Variants in DCHS1 observed in about 807,000 individuals in gnomAD.
DCHS1 encodes protocadherin-16.
DCHS1 carries 78 observed loss-of-function variants against 213.9 expected under a neutral mutation model. The ratio of observed to expected loss-of-function variants is 0.36; its 90% confidence interval spans 0.30 to 0.44. The LOEUF is 0.44. DCHS1 is among the 20% of genes least tolerant of loss of function. The pLI is 1.00. For synonymous variants in DCHS1, 1,828 were observed against 1,873.7 expected (o/e 0.98, Z 0.63); for missense variants, 3,946 against 4,395.9 (o/e 0.90, Z 2.89).
At chr11:6,631,495 A>T in intron 7 of DCHS1, 88 bp from the exon 8 acceptor site, 1 of 1,596,058 alleles carries the variant, frequency 6.3e-7, no homozygotes, top group Non-Finnish European at 8.6e-7. Flanking sequence ...GGCAGGCAGA[A>T]CCTCTTTTCG....
At position 6,622,893 on chromosome 11, in the gene DCHS1, C is replaced by T; in HGVS notation, c.8783G>A (p.Gly2928Asp). 6.3e-7 allele frequency: 1 copy of T among 1,597,086 alleles called. No individual in the cohort carries two copies. The change falls in exon 21 of 21, where the codon GGC becomes GAC. Residue 2928 changes from glycine (G) to aspartate (D), a missense_variant. Transcript: ENST00000299441. This position sits in a 1 kb window ranked among gnomAD's most constrained non-coding sequence, Gnocchi z 5.4. ...TAGCAGGTTGAGGTCAGGTGCCAGG[C>T]CCAGTGCGGTGTGGGTGATATCCAC... ...VTVDITHTALGLAPDLNLLLV... is the reference protein window; with the variant it reads ...VTVDITHTALDLAPDLNLLLV...
In DCHS1 at chr11:6,627,664, C is replaced by T. The variant is rs747362482; in HGVS notation, c.5375G>A (p.Gly1792Glu). The T allele has an allele frequency of 2.0e-5, 33 of 1,611,164 alleles. No homozygotes were observed. In the South Asian group the frequency reaches 3.3e-4, roughly 16 times the overall value. The change falls in exon 14 of 21, where the codon GGG becomes GAG. Residue 1792 changes from glycine (G) to glutamate (E), a missense_variant. By Grantham distance (98) the Gly-to-Glu change is moderately conservative. This residue lies in a region of DCHS1 where 3,384 missense variants were observed against 3,780.1 expected (regional missense o/e 0.90). Transcript: ENST00000299441. This position sits in a 1 kb window ranked among gnomAD's most constrained non-coding sequence, Gnocchi z 5.4. ...NGQLQYRILD[G>E]DPSGAFVLDL... ...TAGGACAAAGGCTCCTGATGGGTCCCCATCTGCAGAGAAGGGCATGCACAT... is the reference window on the plus strand; with the variant it reads ...TAGGACAAAGGCTCCTGATGGGTCCTCATCTGCAGAGAAGGGCATGCACAT...
chr11:6,648,127 G>C (rs1371584090), intron 1 of DCHS1, among the ~76,000 whole-genome samples: 2 of 152,202 alleles, frequency 1.3e-5, no homozygotes, highest in African/African-American at 4.8e-5. Flanking sequence ...TTCAAGCACA[G>C]CTGGGTTTGC....
chr11:6,632,937 G>T lies in DCHS1; in HGVS notation c.2575C>A (p.Pro859Thr), dbSNP rs770011517. Residue 859 changes from proline to threonine, a missense_variant, in exon 6 of 21, where the codon CCA (proline) becomes ACA (threonine). By Grantham distance (38) the Pro-to-Thr change is conservative. Around this residue, in one of 3 missense-constraint regions of DCHS1, gnomAD observed 3,384 missense variants for 3,780.1 expected, o/e 0.90. Coordinates refer to ENST00000299441, the MANE Select transcript of DCHS1 (RefSeq NM_003737.4). The surrounding 1 kb of genome is among the most constrained non-coding windows in gnomAD (Gnocchi z 5.9). ...GCTCGCACCTCCAGCTCCAACACTG[G>T]TCCCAGTAGCTCCCGGTCCAGAGGG... ...LRPLDRELLGPVLELEVRAGS... is the reference protein window; with the variant it reads ...LRPLDRELLGTVLELEVRAGS... The T allele has an allele frequency of 6.2e-7, 1 of 1,614,050 alleles. No homozygotes were observed. The highest frequency in any genetic ancestry group is 2.2e-5 in the East Asian group (1 of 44,888).
rs753764736 is a variant in DCHS1 at position 6,626,515 on chromosome 11, G to T, written c.6364+37C>A. 6.2e-7 allele frequency: 1 copy of T among 1,610,292 alleles called. No individual in the cohort carries two copies. Among genetic ancestry groups the T allele is most frequent in the Admixed American group, 1.7e-5 (1 of 59,968 alleles). On this transcript the variant is annotated intron_variant, in intron 15 of 20. Transcript: ENST00000299441. This position sits in a 1 kb window ranked among gnomAD's most constrained non-coding sequence, Gnocchi z 5.2. ...ATGCAAAGAACCTGCTTCCCCAGTA[G>T]CCTGTCCTGCACAGAGCCCCTGCTC...
Position 6,622,260 on chromosome 11 carries a change from C to A in DCHS1, c.9416G>T (p.Gly3139Val), listed in dbSNP as rs187251510. Residue 3139 changes from glycine to valine, a missense_variant, in exon 21 of 21, where the codon GGC becomes GTC. Coordinates refer to ENST00000299441, the MANE Select transcript of DCHS1 (RefSeq NM_003737.4). The surrounding 1 kb of genome is among the most constrained non-coding windows in gnomAD (Gnocchi z 5.4). ...PTGDYGFPAD[G>V]KPCVAGALTA... ...CAGCGCACCTGCCACACATGGCTTG[C>A]CATCTGCTGGGAAGCCATAGTCCCC... is the stretch of plus-strand genomic sequence containing the variant. 1 of 1,603,974 alleles carries A rather than the reference C, an allele frequency of 6.2e-7. No individual in the cohort carries two copies. The highest frequency in any genetic ancestry group is 8.5e-7 in the Non-Finnish European group (1 of 1,176,406).
intron 12 of DCHS1, 47 bp downstream of exon 12, chr11:6,629,405 T>G (rs947244411): frequency 2.5e-6 from 4 of 1,602,550 alleles, no homozygotes; most frequent in South Asian, 1.1e-5. Context: ...GTAACACTGG[T>G]GTTTACAACA....
rs1855794798 is a variant in DCHS1, at chr11:6,626,040, C to T, written c.6611G>A (p.Gly2204Glu). The change falls in exon 17 of 21, where the codon GGA (glycine) becomes GAA (glutamate). Residue 2204 changes from glycine (G) to glutamate (E), a missense_variant. Gly to Glu is a moderately conservative substitution (Grantham distance 98). Transcript: ENST00000299441. The surrounding 1 kb of genome is among the most constrained non-coding windows in gnomAD (Gnocchi z 5.2). ...TGCAGCCAGACTGTAGGAAATCTGT[C>T]CTCCAGAGCCTTGATCCAGGTCATC... ...EADDLDQGSGGQISYSLAASQ... is the reference protein window; with the variant it reads ...EADDLDQGSGEQISYSLAASQ... The T allele has an allele frequency of 6.2e-7, 1 of 1,611,628 alleles. No homozygotes were observed. The highest frequency in any genetic ancestry group is 1.3e-5 in the African/African-American group (1 of 74,870).
intron 1 of DCHS1, among the ~76,000 whole-genome samples, chr11:6,643,533 T>C (rs183293904): frequency 1.8e-3 from 281 of 152,278 alleles, no homozygotes; most frequent in African/African-American, 6.7e-3. Context: ...CCACCTCTTA[T>C]TTCCATCATG....
At chr11:6,638,444 C>G (rs533021708) in intron 2 of DCHS1, among the ~76,000 whole-genome samples, 1 of 152,174 alleles carries the variant, frequency 6.6e-6, no homozygotes, top group Non-Finnish European at 1.5e-5. Flanking sequence ...TTCTCATCTC[C>G]CCCGACTCTT....
At chr11:6,655,069 C>A (rs1856295349) in intron 1 of DCHS1, among the ~76,000 whole-genome samples, 1 of 152,142 alleles carries the variant, frequency 6.6e-6, no homozygotes, top group Admixed American at 6.5e-5. Context: ...GTTTCTTTGT[C>A]TCTGTCTCAG....
intron 1 of DCHS1, among the ~76,000 whole-genome samples, chr11:6,648,032 C>A (rs1856190758): frequency 6.6e-6 from 1 of 152,142 alleles, no homozygotes; most frequent in East Asian, 1.9e-4. Context: ...AGGGTTCTGG[C>A]CAGGTTACTA....
At position 6,630,199 on chromosome 11, in the gene DCHS1, G is replaced by C; in HGVS notation, c.4595C>G (p.Ala1532Gly). ...ASRRRAARVS[A>G]RVFVTDENDN... is the part of the protein sequence containing the mutation. ...ATTCTCATCCGTGACGAAGACGCGC[G>C]CTGAAACGCGCGCTGCACGACGGCG... Residue 1532 changes from alanine (A) to glycine (G), a missense_variant, in exon 10 of 21, where the codon GCG becomes GGG. By Grantham distance (60) the Ala-to-Gly change is moderately conservative (BLOSUM62 0). Coordinates refer to ENST00000299441, the MANE Select transcript of DCHS1 (RefSeq NM_003737.4). 6.3e-7 allele frequency: 1 copy of C among 1,579,830 alleles called. No homozygotes were observed. Among genetic ancestry groups the C allele is most frequent in the Non-Finnish European group, 8.6e-7 (1 of 1,164,226 alleles).
Position 6,629,931 on chromosome 11 carries a change from G to A in DCHS1, c.4796-20C>T, listed in dbSNP as rs1855872886. ...GCGCTCCTAGGTGAGCGGTAAGGCA[G>A]GTTGGTGGGGACCCCAACACTCCAC... On this transcript the variant is annotated intron_variant, in intron 10 of 20. Transcript: ENST00000299441. The A allele has an allele frequency of 6.2e-7, 1 of 1,607,842 alleles. No homozygotes were observed. Among genetic ancestry groups the A allele is most frequent in the African/African-American group, 1.3e-5 (1 of 74,974 alleles).
At chr11:6,637,564 C>T (rs1275934817) in intron 2 of DCHS1, among the ~76,000 whole-genome samples, 1 of 151,968 alleles carries the variant, frequency 6.6e-6, no homozygotes, top group East Asian at 1.9e-4. Flanking sequence ...AGATCCTGAG[C>T]CCCTAGTAGG....
In DCHS1 at chr11:6,633,715, G is replaced by C. The variant is rs1050317494; in HGVS notation, c.2219-67C>G. 93 of 1,601,222 alleles carry C rather than the reference G, an allele frequency of 5.8e-5. 2 individuals carry two copies. The highest frequency in any genetic ancestry group is 4.6e-4 in the South Asian group (42 of 90,678). On this transcript the variant is annotated intron_variant, in intron 4 of 20. Transcript: ENST00000299441. ...ATAGGGCTAGAAAGGTTATGGAGGA[G>C]GTGGGTAGGACATCATTTAGGCAGG...
In DCHS1 at chr11:6,633,617, T is replaced by G; in HGVS notation, c.2250A>C (p.Arg750Ser). 6.3e-7 allele frequency: 1 copy of G among 1,599,822 alleles called. No homozygotes were observed. The highest frequency in any genetic ancestry group is 8.5e-7 in the Non-Finnish European group (1 of 1,173,026). The change falls in exon 5 of 21, where the codon AGA becomes AGC. Residue 750 changes from arginine (R) to serine (S), a missense_variant. By Grantham distance (110) the Arg-to-Ser change is moderately radical. Around this residue, in one of 3 missense-constraint regions of DCHS1, gnomAD observed 3,384 missense variants for 3,780.1 expected, o/e 0.90. Coordinates refer to ENST00000299441, the MANE Select transcript of DCHS1 (RefSeq NM_003737.4). ...GLLTVAWPLA[R>S]RANSVVQLEI... ...CCAGCTGCACCACAGAATTGGCCCG[T>G]CTGGCCAAGGGCCAGGCTACTGTCA...
At position 6,655,472 on chromosome 11, in the gene DCHS1, C is replaced by T. The variant is rs1468338328; in HGVS notation, c.-121+91G>A. ...CCATTGTCTCCGGCTCAGAACAAAGCCCCCGGCTCCGCCGCCGCTGCCGCA... is the reference window on the plus strand; with the variant it reads ...CCATTGTCTCCGGCTCAGAACAAAGTCCCCGGCTCCGCCGCCGCTGCCGCA... On this transcript the variant is annotated intron_variant, in intron 1 of 20. Transcript: ENST00000299441. 17 of 861,982 alleles carry T rather than the reference C, an allele frequency of 2.0e-5. No individual in the cohort carries two copies. The African/African-American group carries it at 2.9e-4, about 15-fold the overall frequency. The allele number at this position is 861,982 out of a possible 1,614,324, so 53.4% of individuals were successfully genotyped here.
chr11:6,648,989 G>C (rs141240906), intron 1 of DCHS1, among the ~76,000 whole-genome samples: 2 of 151,944 alleles, frequency 1.3e-5, no homozygotes, highest in African/African-American at 2.4e-5. Flanking sequence ...TAAACCTCTG[G>C]GGTTTAAAGT....
Sources: allele counts gnomAD v4.1 joint callset (sites outside exome capture counted in the v4.1 genomes callset), GRCh38; gene constraint gnomAD v4.1.1; regional missense constraint gnomAD v4.1.1; non-coding constraint Gnocchi (gnomAD v3.1); transcripts MANE v1.5; gene names NCBI Gene and HGNC (gene_info 2026-07-23, HGNC 2026-07-21).